DNAJC1: variants seen among roughly 807,000 people sequenced by gnomAD.
DNAJC1 encodes the protein dnaJ homolog subfamily C member 1.
DNAJC1 carries 58 observed loss-of-function variants against 76.6 expected under a neutral mutation model. The ratio of observed to expected loss-of-function variants is 0.76; its 90% CI spans 0.61 to 0.94. The LOEUF (loss-of-function observed/expected upper bound fraction) is 0.94, where lower values mean the gene tolerates loss of function less well. DNAJC1 is among the 40% of genes least tolerant of loss of function. The pLI is 0.00. For missense variants in DNAJC1, 689 were observed against 677.3 expected (o/e 1.02, Z -0.19); for synonymous variants, 258 against 267.9 (o/e 0.96, Z 0.36).
chr10:21,979,058 A>AT (rs1003287810), intron 1 of DNAJC1, among the ~76,000 whole-genome samples: 26 of 150,922 alleles, frequency 1.7e-4, no homozygotes, highest in African/African-American at 5.8e-4. Flanking sequence ...GTTCGACTTG[A>AT]TTTTTTTTTC....
chr10:21,937,446 T>C (rs182974628), intron 1 of DNAJC1, among the ~76,000 whole-genome samples: 19 of 152,136 alleles, frequency 1.2e-4, no homozygotes, highest in Admixed American at 1.2e-3. Context: ...AACATGCACC[T>C]AACAGAGCCC....
intron 8 of DNAJC1, among the ~76,000 whole-genome samples, chr10:21,816,033 C>T (rs572073970): frequency 4.3e-4 from 65 of 151,710 alleles, no homozygotes; most frequent in African/African-American, 1.4e-3. Context: ...CATGAGCCAC[C>T]GCGCCCAGCC....
chr10:21,819,795 T>C (rs181500714), intron 8 of DNAJC1, among the ~76,000 whole-genome samples: 1 of 151,984 alleles, frequency 6.6e-6, no homozygotes, highest in Non-Finnish European at 1.5e-5. Context: ...CAGGGCATGG[T>C]GGCACATGCT....
chr10:21,836,677 C>T (rs1294786938), intron 8 of DNAJC1, among the ~76,000 whole-genome samples: 1 of 152,076 alleles, frequency 6.6e-6, no homozygotes, highest in African/African-American at 2.4e-5. Flanking sequence ...GGGTTGCAAT[C>T]CTAGTCTCTG....
intron 8 of DNAJC1, among the ~76,000 whole-genome samples, chr10:21,831,813 T>A (rs1169347055): frequency 6.6e-6 from 1 of 150,962 alleles, no homozygotes; most frequent in Non-Finnish European, 1.5e-5. Context: ...AAAAAATGCT[T>A]AATCCTTTCT....
Position 21,759,455 on chromosome 10 carries a change from G to A in DNAJC1, c.1311C>T (p.Ala437=). 1 of 1,614,138 alleles carries A rather than the reference G, an allele frequency of 6.2e-7. No homozygotes were observed. The highest frequency in any genetic ancestry group is 1.1e-5 in the South Asian group (1 of 91,084). The stretch of plus-strand genomic sequence containing the variant: ...TCCGCCTCCGAGGCCGGGCATCAGT[G>A]GCCCCGGTCTCCTGCTCACCGGAGT... ...EGDSGEQETG[A]TDARPRRRKP... Residue 437 remains alanine, a synonymous_variant, in exon 11 of 12, where the codon GCC becomes GCT. Transcript: ENST00000376980.
chr10:21,962,112 C>G (rs948375028), intron 1 of DNAJC1, among the ~76,000 whole-genome samples: 1 of 152,156 alleles, frequency 6.6e-6, no homozygotes, highest in Non-Finnish European at 1.5e-5. Context: ...TCCCTCTTCT[C>G]TGCTGTATTT....
At chr10:21,845,009 C>A (rs1387865635) in intron 8 of DNAJC1, among the ~76,000 whole-genome samples, 3 of 152,172 alleles carry the variant, frequency 2.0e-5, no homozygotes, top group Non-Finnish European at 4.4e-5. Flanking sequence ...TGCACTCCAG[C>A]CTGGGTGACA....
In DNAJC1 at chr10:21,761,296, C is replaced by T. The variant is rs1240166356; in HGVS notation, c.1148-1678G>A. Among the ~76,000 whole-genome samples the T allele has an allele frequency of 2.6e-5, 4 of 151,772 alleles. No homozygotes were observed. In the East Asian group the frequency reaches 7.8e-4, roughly 30 times the overall value. On this transcript the variant is annotated intron_variant, in intron 10 of 11. Transcript: ENST00000376980. ...AATCCCAGCTGTACACGGTGGCTCA[C>T]GCCTGTAATCCCAACACTTTGGGAG...
intron 1 of DNAJC1, among the ~76,000 whole-genome samples, chr10:21,938,204 A>G (rs1424815596): frequency 6.6e-6 from 1 of 152,126 alleles, no homozygotes; most frequent in East Asian, 1.9e-4. Flanking sequence ...GGAAAAATAA[A>G]ATTAAATCAC....
At chr10:21,997,827 A>C (rs1006062307) in intron 1 of DNAJC1, among the ~76,000 whole-genome samples, 11 of 152,200 alleles carry the variant, frequency 7.2e-5, no homozygotes, top group Admixed American at 3.9e-4. Flanking sequence ...TTCAGCATTC[A>C]TTTGAATATA....
chr10:21,983,968 C>A (rs1838198253), intron 1 of DNAJC1, among the ~76,000 whole-genome samples: 1 of 151,934 alleles, frequency 6.6e-6, no homozygotes, highest in Non-Finnish European at 1.5e-5. Flanking sequence ...AACAAAAAAG[C>A]AGTTTACATA....
At chr10:21,901,625 C>T (rs987462195) in intron 7 of DNAJC1, among the ~76,000 whole-genome samples, 2 of 152,164 alleles carry the variant, frequency 1.3e-5, no homozygotes, top group Non-Finnish European at 2.9e-5. Flanking sequence ...CCCCCCATAT[C>T]TAAAATGCCA....
chr10:21,798,696 C>T (rs533655270), intron 9 of DNAJC1, among the ~76,000 whole-genome samples: 1 of 152,276 alleles, frequency 6.6e-6, no homozygotes, highest in African/African-American at 2.4e-5. Context: ...TCTGCTTACC[C>T]TGCTTTATTT....
chr10:21,837,902 C>T (rs1169531902), intron 8 of DNAJC1, among the ~76,000 whole-genome samples: 10 of 146,752 alleles, frequency 6.8e-5, no homozygotes, highest in African/African-American at 1.2e-4. Flanking sequence ...CCAGCCGCCC[C>T]GTCCGGGAGG....
intron 8 of DNAJC1, among the ~76,000 whole-genome samples, chr10:21,849,315 A>AAAAAAAAGT (rs1259765744): frequency 2.0e-5 from 3 of 150,354 alleles, no homozygotes; most frequent in African/African-American, 4.9e-5. Context: ...AAAAAAAAAA[A>AAAAAAAAGT]AAAAGTAAAT....
intron 7 of DNAJC1, among the ~76,000 whole-genome samples, chr10:21,884,794 AAATTC>A (rs1836343350): frequency 6.6e-6 from 1 of 152,164 alleles, no homozygotes; most frequent in African/African-American, 2.4e-5. Flanking sequence ...AAAAGCAAAT[AAATTC>A]AATTGTTTGT....
At chr10:21,949,047 T>C (rs949583830) in intron 1 of DNAJC1, among the ~76,000 whole-genome samples, 1 of 152,172 alleles carries the variant, frequency 6.6e-6, no homozygotes, top group African/African-American at 2.4e-5. Flanking sequence ...TCTTCAGTAG[T>C]TAAAGTTTAA....
At chr10:21,997,694 C>CG (rs919036781) in intron 1 of DNAJC1, among the ~76,000 whole-genome samples, 1 of 152,168 alleles carries the variant, frequency 6.6e-6, no homozygotes, top group African/African-American at 2.4e-5. Flanking sequence ...GCTAGCTAAT[C>CG]TGTACATTTG....
Sources: allele counts gnomAD v4.1 joint callset (sites outside exome capture counted in the v4.1 genomes callset), GRCh38; gene constraint gnomAD v4.1.1; transcripts MANE v1.5; gene names NCBI Gene and HGNC (gene_info 2026-07-23, HGNC 2026-07-21).